Variants in TANC2 observed in about 807,000 individuals in gnomAD.
The protein encoded by TANC2 is protein TANC2.
TANC2 carries 26 observed loss-of-function variants against 210.5 expected under a neutral mutation model. The ratio of observed to expected loss-of-function variants is 0.12; its 90% CI spans 0.09 to 0.17. The LOEUF (loss-of-function observed/expected upper bound fraction) is 0.17. Ranked by LOEUF, TANC2 falls within the 10% of genes least tolerant of loss-of-function variation. The pLI, the probability that TANC2 is intolerant of heterozygous loss-of-function variation, is 1.00. For synonymous variants in TANC2, 931 were observed against 967.1 expected (o/e 0.96, Z 0.69); for missense variants, 2,129 against 2,608.9 (o/e 0.82, Z 4.01).
chr17:63,079,918 T>G (rs1032167139), intron 3 of TANC2, among the ~76,000 whole-genome samples: 3 of 152,214 alleles, frequency 2.0e-5, no homozygotes, highest in Admixed American at 6.5e-5. Flanking sequence ...GCTTATTATA[T>G]GTAGGAGATG....
intron 2 of TANC2, among the ~76,000 whole-genome samples, chr17:63,045,498 ATTC>A (rs1442981554): frequency 3.3e-5 from 5 of 152,204 alleles, no homozygotes; most frequent in Middle Eastern, 3.2e-3. Flanking sequence ...CTACAAATAT[ATTC>A]TTCTATATTT....
intron 15 of TANC2, chr17:63,381,396 T>C (rs1403655255): frequency 6.6e-6 from 1 of 152,162 alleles, no homozygotes; most frequent in Non-Finnish European, 1.5e-5. Context: ...TGGACTATGG[T>C]TTTCCTGGTG....
rs961542112 is a variant in TANC2, at chr17:63,099,130, A to C, written c.140-45A>C. ...TAAGATGTATTTTAATAGGGAAGGC[A>C]GGATCTTTTCTCACCAGCTCTTTTG... is the stretch of plus-strand genomic sequence containing the variant. On this transcript the variant is annotated intron_variant, in intron 3 of 27. Coordinates refer to ENST00000689528, the Ensembl canonical transcript of TANC2. 5.8e-6 allele frequency: 9 copies of C among 1,562,756 alleles called. No homozygotes were observed. The African/African-American group carries it at 1.2e-4, about 21-fold the overall frequency.
intron 7 of TANC2, among the ~76,000 whole-genome samples, chr17:63,229,640 A>T (rs146311437): frequency 1.3e-5 from 2 of 150,100 alleles, no homozygotes; most frequent in Admixed American, 1.3e-4. Flanking sequence ...TTATTGGTCT[A>T]TTCAGGGATT....
intron 1 of TANC2, among the ~76,000 whole-genome samples, chr17:62,992,419 A>G (rs142761707): frequency 0.014 from 2,151 of 152,322 alleles, 49 homozygotes; most frequent in African/African-American, 0.049. Flanking sequence ...CTCTTCAGAC[A>G]TGGTATAAAT....
rs553412536 is a variant in TANC2 at position 63,359,630 on chromosome 17, A to G, written c.2582+4240A>G. On this transcript the variant is annotated intron_variant, in intron 14 of 27. Transcript: ENST00000689528. ...CCCAAAGTGCTAGGATTACAGGCAT[A>G]AGCCACCGTGCCCAGCCTAGCCAGC... is the stretch of plus-strand genomic sequence containing the variant. Among the ~76,000 whole-genome samples, 42 of 152,234 alleles carry G rather than the reference A, an allele frequency of 2.8e-4. No individual in the cohort carries two copies. In the South Asian group the frequency reaches 8.1e-3, roughly 29 times the overall value.
chr17:63,277,440 T>G (rs1206343615), intron 9 of TANC2, among the ~76,000 whole-genome samples: 3 of 152,102 alleles, frequency 2.0e-5, no homozygotes, highest in Non-Finnish European at 4.4e-5. Flanking sequence ...CTGGTCTTTC[T>G]GTCATCTAAT....
At chr17:63,324,825 C>T (rs1173283021) in intron 11 of TANC2, among the ~76,000 whole-genome samples, 1 of 152,098 alleles carries the variant, frequency 6.6e-6, no homozygotes, top group Non-Finnish European at 1.5e-5. Flanking sequence ...CACCATATCC[C>T]CAGCTCCTAC....
chr17:63,358,152 T>C (rs1229546668), intron 14 of TANC2, among the ~76,000 whole-genome samples: 1 of 152,202 alleles, frequency 6.6e-6, no homozygotes, highest in African/African-American at 2.4e-5. Flanking sequence ...AATCTGAGAA[T>C]GGTGCTGGAA....
chr17:63,398,468 AAG>A (rs1484071033), intron 18 of TANC2, among the ~76,000 whole-genome samples: 1 of 151,926 alleles, frequency 6.6e-6, no homozygotes, highest in Admixed American at 6.6e-5. Context: ...AAAAAAAAAA[AAG>A]AAAGAAAAAC....
At chr17:63,383,380 C>T (rs1032386450) in intron 15 of TANC2, among the ~76,000 whole-genome samples, 11 of 152,216 alleles carry the variant, frequency 7.2e-5, no homozygotes, top group African/African-American at 2.4e-4. Flanking sequence ...TTACCCTCCT[C>T]AACCCCTGGC....
intron 5 of TANC2, among the ~76,000 whole-genome samples, chr17:63,179,973 TA>T (rs34426210): frequency 0.35 from 42,479 of 122,946 alleles, 9,171 homozygotes; most frequent in African/African-American, 0.65. Flanking sequence ...TACATCTCTT[TA>T]AAAAAAAAAA....
At position 63,355,462 on chromosome 17, in the gene TANC2, A is replaced by T. The variant is rs1441669426; in HGVS notation, c.2582+72A>T. On this transcript the variant is annotated intron_variant, in intron 14 of 27. Transcript: ENST00000689528. ...TATTGCATGGAGTGTGAGTATTGAA[A>T]GTAGAAGTGTTCTTCATTGAACATT... 4 of 1,420,542 alleles carry T rather than the reference A, an allele frequency of 2.8e-6. No homozygotes were observed. The Admixed American group carries it at 8.3e-5, about 29-fold the overall frequency. The allele number at this position is 1,420,542 out of a possible 1,614,324, so 88.0% of individuals were successfully genotyped here.
At chr17:63,207,239 A>G (rs1403467739) in intron 7 of TANC2, among the ~76,000 whole-genome samples, 1 of 125,074 alleles carries the variant, frequency 8.0e-6, no homozygotes, top group Admixed American at 9.2e-5. Context: ...TTTTTGAGAC[A>G]GAGTCTCGCA....
chr17:63,226,160 A>C (rs1237305496), intron 7 of TANC2, among the ~76,000 whole-genome samples: 1 of 151,994 alleles, frequency 6.6e-6, no homozygotes, highest in Non-Finnish European at 1.5e-5. Context: ...CTGTTTTTGC[A>C]TTTTATTTCA....
At chr17:63,207,067 G>A (rs2041738871) in intron 7 of TANC2, among the ~76,000 whole-genome samples, 1 of 151,792 alleles carries the variant, frequency 6.6e-6, no homozygotes, top group Non-Finnish European at 1.5e-5. Context: ...ACCCTGAGAG[G>A]TCATCTGAAT....
At chr17:63,286,280 G>A (rs749565680) in intron 9 of TANC2, among the ~76,000 whole-genome samples, 5 of 151,982 alleles carry the variant, frequency 3.3e-5, no homozygotes, top group Admixed American at 1.3e-4. Flanking sequence ...TTCTTGCATT[G>A]TGGATCTGCT....
At chr17:63,291,540 T>C (rs2044383278) in intron 9 of TANC2, among the ~76,000 whole-genome samples, 2 of 152,192 alleles carry the variant, frequency 1.3e-5, no homozygotes, top group Admixed American at 1.3e-4. Context: ...GTTAATGAGA[T>C]GCAAGGGTAG....
chr17:63,002,810 A>T (rs1466445714), intron 1 of TANC2, among the ~76,000 whole-genome samples: 1 of 152,200 alleles, frequency 6.6e-6, no homozygotes, highest in East Asian at 1.9e-4. Context: ...TGTTGACTGT[A>T]TGAGTAGTTC....
Sources: gnomAD v4.1 joint callset for allele counts (sites outside exome capture counted in the v4.1 genomes callset) on GRCh38, gnomAD v4.1.1 for gene constraint, MANE v1.5 for transcripts, NCBI Gene and HGNC (gene_info 2026-07-23, HGNC 2026-07-21) for gene names.